The following CASZ1 variants were observed in gnomAD, a reference collection of about 807,000 sequenced individuals.
CASZ1 encodes the protein castor zinc finger 1.
Under a neutral mutation model 135.2 loss-of-function variants are expected in CASZ1, and 28 were observed. That is an observed-to-expected ratio of 0.21 (90% CI 0.15 to 0.28). CASZ1 has a LOEUF of 0.28. CASZ1 is among the 10% of genes least tolerant of loss of function. The probability of loss-of-function intolerance (pLI) is 1.00; values close to 1 mark genes in which losing one functional copy is unlikely to be tolerated. For synonymous variants in CASZ1, 1,068 were observed against 1,073.4 expected (o/e 0.99, Z 0.10); for missense variants, 2,161 against 2,453.3 (o/e 0.88, Z 2.52).
At position 10,721,302 on chromosome 1, in the gene CASZ1, C is replaced by A. The variant is rs56121564; in HGVS notation, c.-76-15758G>T. Among the ~76,000 whole-genome samples, 5,960 of 151,700 alleles carry A rather than the reference C, an allele frequency of 0.039. 172 individuals carry two copies. Among genetic ancestry groups the A allele is most frequent in the African/African-American group, 0.082 (3,392 of 41,334 alleles). On this transcript the variant is annotated intron_variant, in intron 2 of 20. Transcript: ENST00000377022. This position sits in a 1 kb window ranked among gnomAD's most constrained non-coding sequence, Gnocchi z 5.4. ...CCCCCTGATCTTAGGGAAAAAAAAACCCATCAAAATAACTATTTTATGTCT... is the reference window on the plus strand; with the variant it reads ...CCCCCTGATCTTAGGGAAAAAAAAAACCATCAAAATAACTATTTTATGTCT...
chr1:10,795,497 G>A (rs1261095530), intron 1 of CASZ1, among the ~76,000 whole-genome samples: 4 of 151,786 alleles, frequency 2.6e-5, no homozygotes, highest in African/African-American at 9.7e-5. Context: ...GAGCCCCCCC[G>A]GAGCGCACCA....
In CASZ1 at chr1:10,655,479, C is replaced by A. The variant is rs139065548; in HGVS notation, c.1665+170G>T. 2.6e-3 allele frequency among the ~76,000 whole-genome samples: 400 copies of A among 152,368 alleles called. 9 individuals are homozygous for A. In the East Asian group the frequency reaches 0.036, roughly 14 times the overall value. On this transcript the variant is annotated intron_variant, in intron 9 of 20. Transcript: ENST00000377022. ...GCTGCCCAAGCCTGAACCCCCAGGA[C>A]CCTCCTGGCTCGCTGGCCATCCCTG...
At chr1:10,740,209 A>C (rs1639887286) in intron 2 of CASZ1, among the ~76,000 whole-genome samples, 1 of 152,238 alleles carries the variant, frequency 6.6e-6, no homozygotes, top group African/African-American at 2.4e-5. Context: ...CCAATGTCTC[A>C]CAGTGGCTCA....
chr1:10,729,577 C>T (rs166913), intron 2 of CASZ1, among the ~76,000 whole-genome samples: 78,011 of 152,146 alleles, frequency 0.51, 21,541 homozygotes, highest in Non-Finnish European at 0.62. Flanking sequence ...GGGAGCAGTT[C>T]GCAAAGCGTG....
intron 4 of CASZ1, among the ~76,000 whole-genome samples, chr1:10,675,743 C>T (rs1181287622): frequency 6.6e-6 from 1 of 152,098 alleles, no homozygotes; most frequent in Non-Finnish European, 1.5e-5. Flanking sequence ...CTCTCCTGGC[C>T]CCTATTAAGC....
intron 11 of CASZ1, chr1:10,651,318 G>C (rs1374497020): frequency 3.8e-6 from 1 of 266,652 alleles, no homozygotes; most frequent in East Asian, 6.6e-5. Context: ...GGAGAAGGGC[G>C]GGAGGCTGGG....
At chr1:10,716,230 A>G (rs1639390579) in intron 2 of CASZ1, among the ~76,000 whole-genome samples, 1 of 148,002 alleles carries the variant, frequency 6.8e-6, no homozygotes, top group African/African-American at 2.5e-5. Flanking sequence ...CCACACTCAC[A>G]GCACCCAATC....
At chr1:10,718,682 C>T (rs1639439497) in intron 2 of CASZ1, among the ~76,000 whole-genome samples, 1 of 152,198 alleles carries the variant, frequency 6.6e-6, no homozygotes, top group South Asian at 2.1e-4. Flanking sequence ...CATGCTTTAG[C>T]CCAGGAGACC....
rs1639602289 is a variant in CASZ1, at chr1:10,726,586, A to T, written c.-76-21042T>A. Among the ~76,000 whole-genome samples, 1 of 152,218 alleles carries T rather than the reference A, an allele frequency of 6.6e-6. No homozygotes were observed. Among genetic ancestry groups the T allele is most frequent in the African/African-American group, 2.4e-5 (1 of 41,464 alleles). The stretch of plus-strand genomic sequence containing the variant: ...CCAGAGGAAACACCGGGCACGGGGA[A>T]TGGAGCCCTCGCCAGCGTCTTTACT... On this transcript the variant is annotated intron_variant, in intron 2 of 20. Transcript: ENST00000377022. The surrounding 1 kb of genome is among the most constrained non-coding windows in gnomAD (Gnocchi z 5.7).
rs1642981223 is a variant in CASZ1 at position 10,660,441 on chromosome 1, C to T, written c.601G>A (p.Ala201Thr). The T allele has an allele frequency of 6.2e-7, 1 of 1,614,176 alleles. No homozygotes were observed. Among genetic ancestry groups the T allele is most frequent in the East Asian group, 2.2e-5 (1 of 44,888 alleles). Residue 201 changes from alanine to threonine, a missense_variant, in exon 6 of 21, where the codon GCC becomes ACC. By Grantham distance (58) the Ala-to-Thr change is moderately conservative (BLOSUM62 0). This residue lies in a region of CASZ1 where 590 missense variants were observed against 609.8 expected (regional missense o/e 0.97). Coordinates refer to ENST00000377022, the MANE Select transcript of CASZ1 (RefSeq NM_001079843.3). ...YDDQNTRDEL[A>T]RKISFEKLHA... ...AGCTTCTCAAAGCTGATCTTCCTGG[C>T]CAGCTCGTCCCGCGTGTTCTGGTCA...
rs1638334007 is a variant in CASZ1 at position 10,679,162 on chromosome 1, G to A, written c.17-13591C>T. Among the ~76,000 whole-genome samples, 1 of 152,232 alleles carries A rather than the reference G, an allele frequency of 6.6e-6. No individual in the cohort carries two copies. Among genetic ancestry groups the A allele is most frequent in the African/African-American group, 2.4e-5 (1 of 41,460 alleles). ...GGATTCACGAGGGGACTGCAGGGCT[G>A]GCACAGAGCTCTCCGCCAGGGCCTG... On this transcript the variant is annotated intron_variant, in intron 4 of 20. Transcript: ENST00000377022. This position sits in a 1 kb window ranked among gnomAD's most constrained non-coding sequence, Gnocchi z 4.7.
intron 1 of CASZ1, among the ~76,000 whole-genome samples, chr1:10,764,426 A>G (rs969159628): frequency 1.3e-5 from 2 of 152,256 alleles, no homozygotes; most frequent in African/African-American, 4.8e-5. Context: ...AACTCTTGGT[A>G]TGAACCAGTC....
chr1:10,754,346 G>A (rs1640206063), intron 2 of CASZ1, among the ~76,000 whole-genome samples: 1 of 152,154 alleles, frequency 6.6e-6, no homozygotes. Context: ...CAGGACGTTG[G>A]CCTCTTCTTC....
In CASZ1 at chr1:10,726,603, G is replaced by A. The variant is rs186070344; in HGVS notation, c.-76-21059C>T. The stretch of plus-strand genomic sequence containing the variant: ...CACGGGGAATGGAGCCCTCGCCAGC[G>A]TCTTTACTAGGCCCTGGCGCTGTGC... On this transcript the variant is annotated intron_variant, in intron 2 of 20. Coordinates refer to ENST00000377022, the MANE Select transcript of CASZ1 (RefSeq NM_001079843.3). This position sits in a 1 kb window ranked among gnomAD's most constrained non-coding sequence, Gnocchi z 5.7. Among the ~76,000 whole-genome samples, 5 of 152,370 alleles carry A rather than the reference G, an allele frequency of 3.3e-5. No individual in the cohort carries two copies. Among genetic ancestry groups the A allele is most frequent in the South Asian group, 2.1e-4 (1 of 4,834 alleles).
At position 10,726,604 on chromosome 1, in the gene CASZ1, T is replaced by A. The variant is rs147536361; in HGVS notation, c.-76-21060A>T. The stretch of plus-strand genomic sequence containing the variant: ...ACGGGGAATGGAGCCCTCGCCAGCG[T>A]CTTTACTAGGCCCTGGCGCTGTGCG... On this transcript the variant is annotated intron_variant, in intron 2 of 20. Coordinates refer to ENST00000377022, the MANE Select transcript of CASZ1 (RefSeq NM_001079843.3). The surrounding 1 kb of genome is among the most constrained non-coding windows in gnomAD (Gnocchi z 5.7). Among the ~76,000 whole-genome samples the A allele has an allele frequency of 1.2e-4, 19 of 152,318 alleles. 1 individual carries two copies. In the East Asian group the frequency reaches 3.7e-3, roughly 29 times the overall value.
intron 1 of CASZ1, among the ~76,000 whole-genome samples, chr1:10,766,451 G>T (rs1051785094): frequency 6.6e-6 from 1 of 152,192 alleles, no homozygotes; most frequent in Non-Finnish European, 1.5e-5. Flanking sequence ...GGCTTCTTAC[G>T]TGTAACATGC....
Position 10,654,517 on chromosome 1 carries a change from C to G in CASZ1, c.1740G>C (p.Gln580His), listed in dbSNP as rs1281512332. The change falls in exon 10 of 21, where the codon CAG becomes CAC. Residue 580 changes from glutamine (Q) to histidine (H), a missense_variant. Around this residue, in one of 7 missense-constraint regions of CASZ1, gnomAD observed 248 missense variants for 410.8 expected, o/e 0.60. Coordinates refer to ENST00000377022, the MANE Select transcript of CASZ1 (RefSeq NM_001079843.3). ...AGCGCTGGAAGCCGTCGTTAATGAG[C>G]TGGGTATTCTTCTTGTGGAAGTTCT... ...THENFHKKNT[Q>H]LINDGFQRFR... 1 of 1,614,248 alleles carries G rather than the reference C, an allele frequency of 6.2e-7. No individual in the cohort carries two copies. The highest frequency in any genetic ancestry group is 8.5e-7 in the Non-Finnish European group (1 of 1,180,042).
intron 4 of CASZ1, among the ~76,000 whole-genome samples, chr1:10,675,408 G>A (rs937350848): frequency 1.1e-4 from 16 of 152,146 alleles, no homozygotes; most frequent in Admixed American, 9.8e-4. Context: ...GGGGTCCTGG[G>A]GTGGCAGGGT....
At position 10,647,698 on chromosome 1, in the gene CASZ1, A is replaced by T; in HGVS notation, c.3497+103T>A. ...ATGCCCCAGAGAGGCTGGGGACAGC[A>T]GCACCATCCGCAGTGAGGAACAGGG... On this transcript the variant is annotated intron_variant, in intron 16 of 20. Coordinates refer to ENST00000377022, the MANE Select transcript of CASZ1 (RefSeq NM_001079843.3). This position sits in a 1 kb window ranked among gnomAD's most constrained non-coding sequence, Gnocchi z 4.9. 6.4e-7 allele frequency: 1 copy of T among 1,559,036 alleles called. No individual in the cohort carries two copies. Among genetic ancestry groups the T allele is most frequent in the Non-Finnish European group, 8.6e-7 (1 of 1,159,902 alleles).
Sources: gnomAD v4.1 joint callset for allele counts (sites outside exome capture counted in the v4.1 genomes callset) on GRCh38, gnomAD v4.1.1 for gene constraint, gnomAD v4.1.1 regional missense constraint, Gnocchi (gnomAD v3.1) non-coding constraint, MANE v1.5 for transcripts, NCBI Gene and HGNC (gene_info 2026-07-23, HGNC 2026-07-21) for gene names.